Variants in NBAS observed in about 807,000 individuals in gnomAD.
The protein encoded by NBAS is NBAS subunit of NRZ tethering complex.
A neutral mutation model predicts 302.5 loss-of-function variants in NBAS; 219 were observed. That is an observed-to-expected ratio of 0.72 (90% CI 0.65 to 0.81). The LOEUF (loss-of-function observed/expected upper bound fraction) is 0.81, where lower values mean the gene tolerates loss of function less well. Among genes scored for constraint, NBAS ranks in the 30% least tolerant of loss-of-function variants. The probability of loss-of-function intolerance (pLI) is 0.00; values close to 1 mark genes in which losing one functional copy is unlikely to be tolerated. For synonymous variants in NBAS, 1,118 were observed against 1,021.6 expected, an observed-to-expected ratio of 1.09 and a Z score of -1.80; for missense variants, 2,932 against 2,841.6, an observed-to-expected ratio of 1.03 and a Z score of -0.72.
the NBAS span, among the ~76,000 whole-genome samples, chr2:14,984,781 G>A: frequency 6.6e-6 from 1 of 152,196 alleles, no homozygotes; most frequent in South Asian, 2.1e-4. Context: ...TGAACATCAT[G>A]TGAAAGGTCA....
intron 21 of NBAS, among the ~76,000 whole-genome samples, chr2:15,460,545 T>G (rs1206848467): frequency 6.6e-6 from 1 of 152,208 alleles, no homozygotes; most frequent in Non-Finnish European, 1.5e-5. Flanking sequence ...GCAAATGGTC[T>G]GTTTTTGAGC....
At chr2:14,929,017 G>A in the NBAS span, among the ~76,000 whole-genome samples, 1 of 152,108 alleles carries the variant, frequency 6.6e-6, no homozygotes, top group Non-Finnish European at 1.5e-5. Flanking sequence ...GACTAATCTG[G>A]ATCCCTACCT....
chr2:15,053,098 T>C, the NBAS span, among the ~76,000 whole-genome samples: 1 of 152,234 alleles, frequency 6.6e-6, no homozygotes, highest in African/African-American at 2.4e-5. Context: ...ATTTTTGCTA[T>C]AAAATGTCAA....
intron 29 of NBAS, 119 bp downstream of exon 29, chr2:15,383,096 A>T (rs550051502): frequency 1.2e-6 from 1 of 818,648 alleles, no homozygotes; most frequent in East Asian, 2.7e-5. Context: ...GTCAGTTATT[A>T]GCTATTATTA....
chr2:15,524,597 T>G (rs140548311), intron 9 of NBAS, among the ~76,000 whole-genome samples: 115 of 152,312 alleles, frequency 7.6e-4, no homozygotes, highest in African/African-American at 2.7e-3. Context: ...CCCAGTTTTT[T>G]AGGCAGCTAT....
At chr2:15,046,097 C>A in the NBAS span, among the ~76,000 whole-genome samples, 1 of 152,150 alleles carries the variant, frequency 6.6e-6, no homozygotes. Flanking sequence ...CCTTAGACTC[C>A]TCACAAGTCA....
the NBAS span, among the ~76,000 whole-genome samples, chr2:14,966,198 C>T: frequency 6.6e-6 from 1 of 152,140 alleles, no homozygotes; most frequent in Non-Finnish European, 1.5e-5. Flanking sequence ...AACTCCAGAA[C>T]TATGAGAGAA....
At chr2:15,172,964 G>C (rs1664364292) in intron 51 of NBAS, among the ~76,000 whole-genome samples, 1 of 152,168 alleles carries the variant, frequency 6.6e-6, no homozygotes, top group African/African-American at 2.4e-5. Context: ...TGTCTGTAAG[G>C]GTTGGGAATA....
rs192276898 is a variant in NBAS at position 15,534,672 on chromosome 2, T to C, written c.648-31A>G. On this transcript the variant is annotated intron_variant, in intron 8 of 51. Transcript: ENST00000281513. ...TTTAAGAGGGTATGAAAGAAGTAAATACCATTAAACCACAATGAATATCAC... is the reference window on the plus strand; with the variant it reads ...TTTAAGAGGGTATGAAAGAAGTAAACACCATTAAACCACAATGAATATCAC... 213 of 1,484,358 alleles carry C rather than the reference T, an allele frequency of 1.4e-4. No individual in the cohort carries two copies. The African/African-American group carries it at 2.6e-3, about 18-fold the overall frequency. The allele number at this position is 1,484,358 out of a possible 1,614,324, so 91.9% of individuals were successfully genotyped here.
chr2:15,094,524 G>A, the NBAS span, among the ~76,000 whole-genome samples: 4 of 152,080 alleles, frequency 2.6e-5, no homozygotes, highest in Non-Finnish European at 4.4e-5. Flanking sequence ...ATATAACTCC[G>A]GGATTAAGCC....
At chr2:15,027,822 C>T in the NBAS span, among the ~76,000 whole-genome samples, 2,890 of 152,132 alleles carry the variant, frequency 0.019, 53 homozygotes, top group Admixed American at 0.037. Flanking sequence ...TTTATTTGAT[C>T]CCTATTTTTT....
At chr2:15,352,149 G>C in intron 34 of NBAS, 68 bp from the exon 35 acceptor site, 1 of 1,092,944 alleles carries the variant, frequency 9.1e-7, no homozygotes, top group Middle Eastern at 2.0e-4. Context: ...CACAATATAG[G>C]CTTGAAATTT....
At chr2:15,272,447 G>T (rs1669367119) in intron 44 of NBAS, among the ~76,000 whole-genome samples, 1 of 152,124 alleles carries the variant, frequency 6.6e-6, no homozygotes, top group South Asian at 2.1e-4. Context: ...TTTGCAGGTT[G>T]TGTTTCATTT....
At chr2:15,231,661 TA>T (rs1667388040) in intron 47 of NBAS, among the ~76,000 whole-genome samples, 1 of 152,154 alleles carries the variant, frequency 6.6e-6, no homozygotes, top group African/African-American at 2.4e-5. Context: ...TGAAACTATA[TA>T]AAAAGATATC....
the NBAS span, among the ~76,000 whole-genome samples, chr2:14,858,175 T>TA: frequency 2.6e-5 from 4 of 151,966 alleles, no homozygotes; most frequent in Non-Finnish European, 4.4e-5. Context: ...TAACAAATAC[T>TA]GGTGAAGAGA....
intron 40 of NBAS, among the ~76,000 whole-genome samples, chr2:15,304,754 T>C (rs1359905352): frequency 6.6e-6 from 1 of 152,234 alleles, no homozygotes; most frequent in Non-Finnish European, 1.5e-5. Flanking sequence ...TGTAGAACTT[T>C]GCTTGAGAGA....
the NBAS span, among the ~76,000 whole-genome samples, chr2:15,084,594 C>T: frequency 6.6e-6 from 1 of 151,944 alleles, no homozygotes; most frequent in Non-Finnish European, 1.5e-5. Flanking sequence ...ACACTGATTC[C>T]AGAAGCTCTG....
chr2:15,089,221 ATCC>A, the NBAS span, among the ~76,000 whole-genome samples: 1 of 151,936 alleles, frequency 6.6e-6, no homozygotes, highest in East Asian at 1.9e-4. Context: ...ATCTCAAGCA[ATCC>A]TCCTGCTTCG....
chr2:15,053,216 G>A, the NBAS span, among the ~76,000 whole-genome samples: 1 of 152,100 alleles, frequency 6.6e-6, no homozygotes, highest in East Asian at 1.9e-4. Flanking sequence ...TTATTTCAGA[G>A]GTATGCCATA....
Sources: gnomAD v4.1 joint callset for allele counts (sites outside exome capture counted in the v4.1 genomes callset) on GRCh38, gnomAD v4.1.1 for gene constraint, MANE v1.5 for transcripts, NCBI Gene and HGNC (gene_info 2026-07-23, HGNC 2026-07-21) for gene names.